DEPTOR: variants seen among roughly 807,000 people sequenced by gnomAD.
DEPTOR encodes the protein DEP domain-containing mTOR-interacting protein.
In DEPTOR, 41 loss-of-function variants were observed where a neutral mutation model predicts 41.6. The observed-to-expected ratio is 0.98, with a 90% CI of 0.77 to 1.28. The LOEUF is 1.28. Ranked by LOEUF, DEPTOR falls within the 50% of genes most tolerant of loss-of-function variation. The pLI, the probability that DEPTOR is intolerant of heterozygous loss-of-function variation, is 0.00. For synonymous variants in DEPTOR, 195 were observed against 192.3 expected (o/e 1.01, Z -0.12); for missense variants, 514 against 527.9 (o/e 0.97, Z 0.26).
intron 3 of DEPTOR, among the ~76,000 whole-genome samples, chr8:119,938,959 C>CTCTCTT (rs1419039214): frequency 6.6e-6 from 1 of 150,726 alleles, no homozygotes; most frequent in Non-Finnish European, 1.5e-5. Flanking sequence ...CTCTCTCTCT[C>CTCTCTT]TCTCTCTCTC....
intron 4 of DEPTOR, among the ~76,000 whole-genome samples, chr8:119,992,555 T>C (rs1196274327): frequency 6.6e-6 from 1 of 152,168 alleles, no homozygotes. Context: ...TCAGTTCACA[T>C]GCTTCATGAT....
chr8:119,877,950 A>G (rs1231486072), intron 1 of DEPTOR, among the ~76,000 whole-genome samples: 2 of 152,114 alleles, frequency 1.3e-5, no homozygotes, highest in Admixed American at 1.3e-4. Flanking sequence ...TTGTTTTTTG[A>G]GATGGAGTTT....
intron 3 of DEPTOR, among the ~76,000 whole-genome samples, chr8:119,937,083 G>A (rs931034805): frequency 7.2e-5 from 11 of 151,946 alleles, no homozygotes; most frequent in African/African-American, 2.7e-4. Flanking sequence ...CTTAAACTGA[G>A]ATCCTGAGTT....
chr8:119,899,572 G>A (rs1281028456), intron 1 of DEPTOR, among the ~76,000 whole-genome samples: 1 of 152,164 alleles, frequency 6.6e-6, no homozygotes, highest in Non-Finnish European at 1.5e-5. Context: ...TCTGAGATGA[G>A]TTTTCTGGCA....
intron 6 of DEPTOR, among the ~76,000 whole-genome samples, chr8:120,003,447 G>T (rs1264985221): frequency 1.3e-5 from 2 of 152,114 alleles, no homozygotes; most frequent in East Asian, 1.9e-4. Context: ...TGGGAGGAGG[G>T]CATGACCTTG....
intron 8 of DEPTOR, among the ~76,000 whole-genome samples, chr8:120,022,463 T>A (rs1383129330): frequency 1.3e-5 from 2 of 152,168 alleles, no homozygotes; most frequent in Non-Finnish European, 2.9e-5. Flanking sequence ...TATGGGTTTT[T>A]ACTCTGCCTT....
chr8:119,962,568 T>A (rs1273414341), intron 3 of DEPTOR, among the ~76,000 whole-genome samples: 8 of 152,152 alleles, frequency 5.3e-5, no homozygotes, highest in Admixed American at 5.2e-4. Flanking sequence ...ACGCATACTT[T>A]ATAGGCTATG....
At chr8:120,030,525 T>A (rs1224857685) in intron 8 of DEPTOR, among the ~76,000 whole-genome samples, 3 of 128,988 alleles carry the variant, frequency 2.3e-5, no homozygotes, top group African/African-American at 9.4e-5. Flanking sequence ...TTTTTTTTTT[T>A]AGCTGGAGTC....
intron 1 of DEPTOR, among the ~76,000 whole-genome samples, chr8:119,900,058 C>A (rs186426062): frequency 1.3e-5 from 2 of 152,072 alleles, no homozygotes; most frequent in East Asian, 3.9e-4. Flanking sequence ...CAGTGGCTCA[C>A]GCTTGTAATC....
intron 1 of DEPTOR, among the ~76,000 whole-genome samples, chr8:119,893,775 C>A (rs1257848811): frequency 1.3e-5 from 2 of 149,056 alleles, no homozygotes; most frequent in Non-Finnish European, 1.5e-5. Flanking sequence ...GACTCCGTCT[C>A]AAAAAAAAAA....
chr8:119,987,088 G>A (rs1030431791), intron 4 of DEPTOR, among the ~76,000 whole-genome samples: 5 of 152,036 alleles, frequency 3.3e-5, no homozygotes, highest in African/African-American at 9.7e-5. Context: ...GAGGAGTTGT[G>A]ATCCTTTGGA....
At chr8:119,959,903 A>G (rs1828468060) in intron 3 of DEPTOR, among the ~76,000 whole-genome samples, 1 of 152,080 alleles carries the variant, frequency 6.6e-6, no homozygotes, top group African/African-American at 2.4e-5. Context: ...TTAGATGCTT[A>G]TACCTTGTAT....
rs541196587 is a variant in DEPTOR at position 119,939,184 on chromosome 8, T to C, written c.425+9246T>C. Among the ~76,000 whole-genome samples, 6 of 152,332 alleles carry C rather than the reference T, an allele frequency of 3.9e-5. No homozygotes were observed. The South Asian group carries it at 1.2e-3, about 32-fold the overall frequency. ...AATGTCTCATAAATTATAAGTGTCA[T>C]TTAAAGTATGTCAAAGAGTGTGCTT... On this transcript the variant is annotated intron_variant, in intron 3 of 8. Transcript: ENST00000286234.
At chr8:119,969,345 G>GTTTTTT (rs1418719836) in intron 4 of DEPTOR, among the ~76,000 whole-genome samples, 1 of 148,326 alleles carries the variant, frequency 6.7e-6, no homozygotes, top group Non-Finnish European at 1.5e-5. Context: ...TAATAAATCT[G>GTTTTTT]TTTTGTTTTT....
intron 8 of DEPTOR, among the ~76,000 whole-genome samples, chr8:120,037,732 G>A (rs1157701782): frequency 6.6e-6 from 1 of 152,118 alleles, no homozygotes; most frequent in Non-Finnish European, 1.5e-5. Flanking sequence ...ATGGTTATTT[G>A]TTATTTGAAC....
At chr8:119,990,769 C>T (rs79287973) in intron 4 of DEPTOR, among the ~76,000 whole-genome samples, 5,174 of 152,186 alleles carry the variant, frequency 0.034, 304 homozygotes, top group African/African-American at 0.12. Context: ...CTTTCATATC[C>T]TCTTGTTAAT....
At chr8:120,048,074 G>A (rs898979296) in intron 8 of DEPTOR, among the ~76,000 whole-genome samples, 8 of 151,910 alleles carry the variant, frequency 5.3e-5, no homozygotes, top group South Asian at 4.2e-4. Flanking sequence ...ATCCCTGAGC[G>A]ATGCGGAGAC....
At chr8:119,918,649 C>T (rs1376262526) in intron 1 of DEPTOR, among the ~76,000 whole-genome samples, 2 of 151,998 alleles carry the variant, frequency 1.3e-5, no homozygotes, top group African/African-American at 2.4e-5. Flanking sequence ...TTGGTAGAGA[C>T]GGGGTTTCAC....
intron 3 of DEPTOR, among the ~76,000 whole-genome samples, chr8:119,932,028 C>G (rs1445172829): frequency 1.3e-5 from 2 of 151,046 alleles, no homozygotes; most frequent in African/African-American, 4.9e-5. Context: ...GTCTCCCAGG[C>G]TGGAGTGCAG....
Sources: gnomAD v4.1 joint callset for allele counts (sites outside exome capture counted in the v4.1 genomes callset) on GRCh38, gnomAD v4.1.1 for gene constraint, MANE v1.5 for transcripts, NCBI Gene and HGNC (gene_info 2026-07-23, HGNC 2026-07-21) for gene names.